The following TTN variants were observed in gnomAD, a reference collection of about 807,000 sequenced individuals.
TTN encodes the protein connectin.
Under a neutral mutation model 3,223.0 loss-of-function variants are expected in TTN, and 1,525 were observed. The observed-to-expected ratio is 0.47, with a 90% CI of 0.45 to 0.49. The LOEUF (loss-of-function observed/expected upper bound fraction) is 0.49, where lower values mean the gene tolerates loss of function less well. Among genes scored for constraint, TTN ranks in the 20% least tolerant of loss-of-function variants. The probability of loss-of-function intolerance (pLI) is 0.00; values close to 1 mark genes in which losing one functional copy is unlikely to be tolerated. For synonymous variants in TTN, 14,094 were observed against 15,161.0 expected (o/e 0.93, Z 5.17); for missense variants, 40,786 against 43,424.0 (o/e 0.94, Z 5.40).
In TTN at chr2:178,607,010, TTC is replaced by T; in HGVS notation, c.53581+9_53581+10del. The T allele has an allele frequency of 6.3e-7, 1 of 1,599,954 alleles. No individual in the cohort carries two copies. The highest frequency in any genetic ancestry group is 1.1e-5 in the South Asian group (1 of 87,626). On this transcript the variant is annotated intron_variant, in intron 278 of 362. Coordinates refer to ENST00000589042, the MANE Select transcript of TTN (RefSeq NM_001267550.2). ...ATTACTCTATAAACACAATGAAACC[TTC>T]TCTTTTACCTAGTGGATCAACTGCA... is the stretch of plus-strand genomic sequence containing the variant.
rs1337729494 is a variant in TTN, at chr2:178,680,071, C to T, written c.33419-16G>A. The T allele has an allele frequency of 1.2e-6, 2 of 1,609,854 alleles. No homozygotes were observed. The highest frequency in any genetic ancestry group is 1.7e-6 in the Non-Finnish European group (2 of 1,178,706). The stretch of plus-strand genomic sequence containing the variant: ...ACTTCTGGCACTTTAAAGATATTAT[C>T]TTTAAGTTGGACATTTGCCAATGAC... On this transcript the variant is annotated splice_polypyrimidine_tract_variant and intron_variant, in intron 139 of 362. Transcript: ENST00000589042.
In TTN at chr2:178,546,246, C is replaced by A. The variant is rs746787955; in HGVS notation, c.95085G>T (p.Gly31695=). ...TGACCATGACAGACACGGCCTTGGT[C>A]CCGCTGGCATTTTTCACTGTTAAAG... The part of the protein sequence containing the change: ...KYTLTVKNAS[G]TKAVSVMVKV... Residue 31695 remains glycine, a synonymous_variant, in exon 342 of 363, where the codon GGG becomes GGT. Transcript: ENST00000589042. 2.4e-5 allele frequency: 38 copies of A among 1,612,906 alleles called. No homozygotes were observed. The highest frequency in any genetic ancestry group is 3.1e-5 in the Non-Finnish European group (37 of 1,179,152).
rs201046911 is a variant in TTN, at chr2:178,739,615, C to T, written c.13618G>A (p.Val4540Met). The change falls in exon 48 of 363, where the codon GTG (valine) becomes ATG (methionine). Residue 4540 changes from valine to methionine, a missense_variant. Coordinates refer to ENST00000589042, the MANE Select transcript of TTN (RefSeq NM_001267550.2). ...ISTEEVSYFN[V>M]QSRVKYLDAT... ...TCCAAATATTTAACCCTACTTTGCACGTTAAAATAACTGACCTCTTCAGTT... is the reference window on the plus strand; with the variant it reads ...TCCAAATATTTAACCCTACTTTGCATGTTAAAATAACTGACCTCTTCAGTT... 7.4e-5 allele frequency: 119 copies of T among 1,613,704 alleles called. No homozygotes were observed. Among genetic ancestry groups the T allele is most frequent in the Admixed American group, 1.0e-4 (6 of 59,982 alleles).
At chr2:178,671,668 T>C (rs1380677803) in intron 155 of TTN, among the ~76,000 whole-genome samples, 7 of 151,772 alleles carry the variant, frequency 4.6e-5, no homozygotes, top group Non-Finnish European at 1.0e-4. Flanking sequence ...ACTTAACCAA[T>C]GACACTGGTC....
At chr2:178,731,228 T>A (rs781085442) in intron 59 of TTN, 25 bp from the exon 60 acceptor site, 16 of 1,611,080 alleles carry the variant, frequency 9.9e-6, no homozygotes, top group Non-Finnish European at 1.3e-5. Context: ...GGGATAGATG[T>A]GGGTTGTGCA....
At position 178,618,430 on chromosome 2, in the gene TTN, A is replaced by G. The variant is rs1450143776; in HGVS notation, c.47028T>C (p.Leu15676=). The change falls in exon 252 of 363, where the codon CTT becomes CTC. Residue 15676 remains leucine (L), a synonymous_variant. Transcript: ENST00000589042. ...CATCAGTTAAAGGTTCTTCCCAAGC[A>G]AGGCTCACTTCACCATCAAATGTTT... The part of the protein sequence containing the change: ...VTETFDGEVS[L]AWEEPLTDGG... 2 of 1,612,528 alleles carry G rather than the reference A, an allele frequency of 1.2e-6. No individual in the cohort carries two copies. The highest frequency in any genetic ancestry group is 3.3e-5 in the Admixed American group (2 of 59,852).
Position 178,564,805 on chromosome 2 carries a change from A to G in TTN, c.81327T>C (p.Leu27109=). The change falls in exon 326 of 363, where the codon CTT becomes CTC. Residue 27109 remains leucine, a synonymous_variant. Transcript: ENST00000589042. The stretch of plus-strand genomic sequence containing the variant: ...AAATACTGTTCTTTTCTTTCTGTTC[A>G]AGATGGTAGCCAATAATTTTGGTGC... ...DGGTKIIGYH[L]EQKEKNSILW... The G allele has an allele frequency of 6.2e-7, 1 of 1,612,864 alleles. No individual in the cohort carries two copies. The highest frequency in any genetic ancestry group is 8.5e-7 in the Non-Finnish European group (1 of 1,179,364).
intron 259 of TTN, 141 bp downstream of exon 259, chr2:178,615,166 C>T: frequency 9.1e-7 from 1 of 1,100,866 alleles, no homozygotes; most frequent in Non-Finnish European, 1.3e-6. Context: ...GTACATTCAG[C>T]AGCACCTTTA....
intron 71 of TTN, 70 bp downstream of exon 71, chr2:178,725,298 T>A: frequency 7.2e-7 from 1 of 1,383,872 alleles, no homozygotes; most frequent in South Asian, 1.9e-5. Context: ...AGAAAAAGAA[T>A]CTGCCAGTAA....
At position 178,769,196 on chromosome 2, in the gene TTN, G is replaced by A. The variant is rs531938269; in HGVS notation, c.8903-263C>T. Among the ~76,000 whole-genome samples the A allele has an allele frequency of 5.3e-5, 8 of 151,606 alleles. No homozygotes were observed. The East Asian group carries it at 1.5e-3, about 29-fold the overall frequency. ...ACTCTAACTGGAACATTTTATCCAGGTGGAGATACTAGTGCTTTACTCAGT... is the reference window on the plus strand; with the variant it reads ...ACTCTAACTGGAACATTTTATCCAGATGGAGATACTAGTGCTTTACTCAGT... On this transcript the variant is annotated intron_variant, in intron 37 of 362. Transcript: ENST00000589042.
Position 178,611,434 on chromosome 2 carries a change from T to C in TTN, c.50795A>G (p.Asn16932Ser), listed in dbSNP as rs779440152. 1.2e-5 allele frequency: 19 copies of C among 1,612,800 alleles called. No homozygotes were observed. Among genetic ancestry groups the C allele is most frequent in the Non-Finnish European group, 1.5e-5 (18 of 1,179,306 alleles). Residue 16932 changes from asparagine to serine, a missense_variant, in exon 269 of 363, where the codon AAT becomes AGT. Asn to Ser is a conservative substitution (Grantham distance 46). Transcript: ENST00000589042. ...AGATGGCTCGCTGACACCAATAGCA[T>C]TGACTGCTCTCACTCTCAGGACATA... ...KEYVLRVRAV[N>S]AIGVSEPSEI...
At position 178,784,506 on chromosome 2, in the gene TTN, A is replaced by C. The variant is rs548718937; in HGVS notation, c.2494-155T>G. 1.1e-4 allele frequency among the ~76,000 whole-genome samples: 16 copies of C among 152,352 alleles called. No individual in the cohort carries two copies. The South Asian group carries it at 1.2e-3, about 12-fold the overall frequency. ...ACAGTTAATGAAAAGTCATTTAGAG[A>C]TAAGCCAATTATAAAGCTCCTTGTC... On this transcript the variant is annotated intron_variant, in intron 15 of 362. Coordinates refer to ENST00000589042, the MANE Select transcript of TTN (RefSeq NM_001267550.2).
Position 178,576,484 on chromosome 2 carries a change from A to G in TTN, c.69715+45T>C, listed in dbSNP as rs754529440. 7 of 1,595,594 alleles carry G rather than the reference A, an allele frequency of 4.4e-6. No individual in the cohort carries two copies. The highest frequency in any genetic ancestry group is 1.4e-5 in the African/African-American group (1 of 73,346). ...GGCTTTTGGGTAATTTAGATAAAAT[A>G]TTGGCACTCTGGAATGAACGGTGTT... On this transcript the variant is annotated intron_variant, in intron 325 of 362. Transcript: ENST00000589042. This position sits in a 1 kb window ranked among gnomAD's most constrained non-coding sequence, Gnocchi z 4.3.
Position 178,664,118 on chromosome 2 carries a change from T to C in TTN, c.36281-20A>G. The C allele has an allele frequency of 1.3e-6, 2 of 1,590,858 alleles. No individual in the cohort carries two copies. The highest frequency in any genetic ancestry group is 4.5e-5 in the East Asian group (2 of 44,740). The stretch of plus-strand genomic sequence containing the variant: ...CGTGCACTTGAAAGATATTAGTATT[T>C]TTACACTCAGAAAATACAGAGATTA... On this transcript the variant is annotated intron_variant, in intron 168 of 362. Coordinates refer to ENST00000589042, the MANE Select transcript of TTN (RefSeq NM_001267550.2).
rs148067743 is a variant in TTN, at chr2:178,562,262, C to G, written c.83870G>C (p.Arg27957Thr). Residue 27957 changes from arginine (R) to threonine (T), a missense_variant, in exon 326 of 363, where the codon AGG becomes ACG. By Grantham distance (71) the Arg-to-Thr change is moderately conservative. Transcript: ENST00000589042. ...AACTGAAGGCTTTATTTCAATATCC[C>G]TTGCAATTACTGGCACTCCAAGTTG... ...PRQLGVPVIARDIEIKPSVEL... is the reference protein window; with the variant it reads ...PRQLGVPVIATDIEIKPSVEL... 98 of 1,613,340 alleles carry G rather than the reference C, an allele frequency of 6.1e-5. No individual in the cohort carries two copies. In the Admixed American group the frequency reaches 9.5e-4, roughly 16 times the overall value.
intron 350 of TTN, among the ~76,000 whole-genome samples, chr2:178,540,801 AAC>A (rs778635217): frequency 4.6e-5 from 7 of 152,186 alleles, no homozygotes; most frequent in Non-Finnish European, 8.8e-5. Flanking sequence ...GTCTCAAAAA[AAC>A]ACAAAAAAAC....
At position 178,573,372 on chromosome 2, in the gene TTN, T is replaced by C; in HGVS notation, c.72760A>G (p.Ile24254Val). 6.6e-7 allele frequency: 1 copy of C among 1,524,080 alleles called. No homozygotes were observed. The highest frequency in any genetic ancestry group is 8.8e-7 in the Non-Finnish European group (1 of 1,136,794). The allele number at this position is 1,524,080 out of a possible 1,614,324, so 94.4% of individuals were successfully genotyped here. A position where few individuals can be genotyped will look rare whatever the true frequency, so the allele number is the denominator to read the frequency against. ...CGCCGTTCCACAATATAATTGATGA[T>C]TTCACTTCCACCATCAGAATCAGGA... is the stretch of plus-strand genomic sequence containing the variant. ...GHPDSDGGSE[I>V]INYIVERRDK... The change falls in exon 326 of 363, where the codon ATC (isoleucine) becomes GTC (valine). Residue 24254 changes from isoleucine (I) to valine (V), a missense_variant. Physicochemically the swap from Ile to Val is conservative, Grantham distance 29. Transcript: ENST00000589042.
At position 178,531,693 on chromosome 2, in the gene TTN, T is replaced by C. The variant is rs1435214283; in HGVS notation, c.104922A>G (p.Lys34974=). Residue 34974 remains lysine (K), a synonymous_variant, in exon 358 of 363, where the codon AAA becomes AAG. Coordinates refer to ENST00000589042, the MANE Select transcript of TTN (RefSeq NM_001267550.2). Reference sequence around the variant, plus strand: ...GGAGTTCCACACCATTGTGGTACCATTTAACCTCGGCAGTTGGCTTAGACT... The same window carrying C: ...GGAGTTCCACACCATTGTGGTACCACTTAACCTCGGCAGTTGGCTTAGACT... ...NVQSKPTAEV[K]WYHNGVELQE... 1.2e-6 allele frequency: 2 copies of C among 1,614,012 alleles called. No homozygotes were observed. Among genetic ancestry groups the C allele is most frequent in the South Asian group, 2.2e-5 (2 of 91,084 alleles).
chr2:178,733,449 A>C lies in TTN; in HGVS notation c.15844T>G (p.Tyr5282Asp), dbSNP rs1438275064. ...VTAGDPATLE[Y>D]TVAGTPELKP... ...AGTTCTGGCGTGCCTGCCACTGTGTACTCCAGTGTGGCGGGATCTCCTGCT... is the reference window on the plus strand; with the variant it reads ...AGTTCTGGCGTGCCTGCCACTGTGTCCTCCAGTGTGGCGGGATCTCCTGCT... Residue 5282 changes from tyrosine (Y) to aspartate (D), a missense_variant, in exon 54 of 363, where the codon TAC (tyrosine) becomes GAC (aspartate). Tyr to Asp is a radical substitution (Grantham distance 160, BLOSUM62 -3). Transcript: ENST00000589042. The C allele has an allele frequency of 1.2e-6, 2 of 1,613,498 alleles. No homozygotes were observed. Among genetic ancestry groups the C allele is most frequent in the Non-Finnish European group, 1.7e-6 (2 of 1,179,736 alleles).
Sources: allele counts gnomAD v4.1 joint callset (sites outside exome capture counted in the v4.1 genomes callset), GRCh38; gene constraint gnomAD v4.1.1; non-coding constraint Gnocchi (gnomAD v3.1); transcripts MANE v1.5; gene names NCBI Gene and HGNC (gene_info 2026-07-23, HGNC 2026-07-21).